The following LRRN2 variants were observed in gnomAD, a reference collection of about 807,000 sequenced individuals.
The protein encoded by LRRN2 is leucine-rich repeat neuronal protein 2.
Under a neutral mutation model 35.7 loss-of-function variants are expected in LRRN2, and 10 were observed. The observed-to-expected ratio is 0.28, with a 90% CI of 0.17 to 0.47. The LOEUF (loss-of-function observed/expected upper bound fraction) is 0.47, where lower values mean the gene tolerates loss of function less well. Ranked by LOEUF, LRRN2 falls within the 20% of genes least tolerant of loss-of-function variation. The pLI is 0.99. For missense variants in LRRN2, 731 were observed against 940.3 expected, an observed-to-expected ratio of 0.78 and a Z score of 2.91; for synonymous variants, 391 against 409.6, an observed-to-expected ratio of 0.95 and a Z score of 0.55.
rs533668403 is a variant in LRRN2 at position 204,642,498 on chromosome 1, G to A, written c.-226-22280C>T. ...CGCTCCCATCAGCCCTCACATTTGG[G>A]TTCATCCTGTGCCCAGGAGTAGCAG... On this transcript the variant is annotated intron_variant, in intron 1 of 1. Coordinates refer to ENST00000367177, the MANE Select transcript of LRRN2 (RefSeq NM_201630.2). Among the ~76,000 whole-genome samples the A allele has an allele frequency of 1.1e-3, 164 of 148,964 alleles. 1 individual carries two copies. Among genetic ancestry groups the A allele is most frequent in the African/African-American group, 3.8e-3 (157 of 41,010 alleles).
intron 1 of LRRN2, among the ~76,000 whole-genome samples, chr1:204,669,437 G>A (rs1214454974): frequency 6.6e-6 from 1 of 152,244 alleles, no homozygotes; most frequent in Admixed American, 6.5e-5. Context: ...CAACAGATAG[G>A]GTCTCTACCC....
chr1:204,621,828 G>A (rs1666914645), intron 1 of LRRN2: 5 of 167,142 alleles, frequency 3.0e-5, no homozygotes, highest in Admixed American at 2.6e-4. Context: ...CTGAGTGGAA[G>A]TCTGATTCCA....
chr1:204,670,226 G>A (rs113535058), intron 1 of LRRN2, among the ~76,000 whole-genome samples: 1 of 152,266 alleles, frequency 6.6e-6, no homozygotes, highest in African/African-American at 2.4e-5. Context: ...ACAGGGCCTG[G>A]TGATGGGCTG....
At chr1:204,624,727 C>T (rs995780871) in intron 1 of LRRN2, among the ~76,000 whole-genome samples, 4 of 150,402 alleles carry the variant, frequency 2.7e-5, no homozygotes, top group Non-Finnish European at 5.9e-5. Flanking sequence ...CTCTCCTCCT[C>T]CCTCCTCTCC....
intron 1 of LRRN2, among the ~76,000 whole-genome samples, chr1:204,660,552 G>GACACACAC (rs72072762): frequency 3.5e-5 from 5 of 143,198 alleles, no homozygotes; most frequent in African/African-American, 1.0e-4. Context: ...GCCTTACACA[G>GACACACAC]ACACACACAC....
At chr1:204,629,990 G>T (rs1158619416) in intron 1 of LRRN2, among the ~76,000 whole-genome samples, 1 of 152,088 alleles carries the variant, frequency 6.6e-6, no homozygotes, top group East Asian at 1.9e-4. Context: ...TATATATCAG[G>T]TATATGCTCA....
intron 1 of LRRN2, among the ~76,000 whole-genome samples, chr1:204,677,312 T>G (rs374114331): frequency 1.3e-4 from 20 of 152,188 alleles, no homozygotes; most frequent in African/African-American, 3.4e-4. Flanking sequence ...TCATGGGGGC[T>G]GGGGGCAGGG....
Position 204,617,761 on chromosome 1 carries a change from CT to C in LRRN2, c.*89del. The stretch of plus-strand genomic sequence containing the variant: ...GCCTCAAGCACGTGGGTCCATGTCC[CT>C]TTCCTGGCAGGGCATCTGGCCCAGA... On this transcript the variant is annotated 3_prime_UTR_variant, in exon 2 of 2. Coordinates refer to ENST00000367177, the MANE Select transcript of LRRN2 (RefSeq NM_201630.2). The C allele has an allele frequency of 6.9e-7, 1 of 1,452,726 alleles. No individual in the cohort carries two copies. The allele number at this position is 1,452,726 out of a possible 1,614,324, so 90.0% of individuals were successfully genotyped here.
At chr1:204,684,743 G>A (rs919282132) in intron 1 of LRRN2, among the ~76,000 whole-genome samples, 41 of 151,950 alleles carry the variant, frequency 2.7e-4, no homozygotes, top group African/African-American at 9.9e-4. Flanking sequence ...CCCAGGCTGC[G>A]GTCGGACCCC....
At chr1:204,671,395 T>A (rs571807829) in intron 1 of LRRN2, among the ~76,000 whole-genome samples, 2 of 141,434 alleles carry the variant, frequency 1.4e-5, no homozygotes, top group African/African-American at 5.6e-5. Flanking sequence ...AGCAATCTGT[T>A]TGTGTGTTTG....
chr1:204,667,339 ATTTC>A (rs1291185014), intron 1 of LRRN2, among the ~76,000 whole-genome samples: 3 of 152,170 alleles, frequency 2.0e-5, no homozygotes, highest in Non-Finnish European at 4.4e-5. Flanking sequence ...TTCCCTGTAA[ATTTC>A]TTTGCTTGTC....
rs200470325 is a variant in LRRN2, at chr1:204,619,530, G to A, written c.463C>T (p.Arg155Cys). Residue 155 changes from arginine to cysteine, a missense_variant, in exon 2 of 2, where the codon CGC (arginine) becomes TGC (cysteine). This residue lies in a region of LRRN2 where 246 missense variants were observed against 289.5 expected (regional missense o/e 0.85). Transcript: ENST00000367177. ...CCAGAAAAGGCCCTGGGGGCGATGC[G>A]GTAGAGCTGGTTGTGGTTGAGATAG... ...ELYLNHNQLY[R>C]IAPRAFSGLS... The A allele has an allele frequency of 5.7e-5, 92 of 1,614,140 alleles. No homozygotes were observed. The highest frequency in any genetic ancestry group is 1.0e-4 in the Admixed American group (6 of 60,014).
At chr1:204,627,714 G>A (rs973640339) in intron 1 of LRRN2, among the ~76,000 whole-genome samples, 2 of 152,238 alleles carry the variant, frequency 1.3e-5, no homozygotes, top group East Asian at 1.9e-4. Flanking sequence ...TCTCACTGCC[G>A]CTTGCTGCCA....
At position 204,618,772 on chromosome 1, in the gene LRRN2, C is replaced by T. The variant is rs200369086; in HGVS notation, c.1221G>A (p.Pro407=). ...TCTCCCGGAAGGGCACCTCACGGAC[C>T]GGGAGGCGCTGGAGGTCCGGAGGCT... ...CAEPPDLQRL[P]VREVPFREMT... The change falls in exon 2 of 2, where the codon CCG becomes CCA. Residue 407 remains proline (P), a synonymous_variant. Transcript: ENST00000367177. The T allele has an allele frequency of 1.4e-5, 23 of 1,613,312 alleles. No homozygotes were observed. Among genetic ancestry groups the T allele is most frequent in the East Asian group, 1.3e-4 (6 of 44,858 alleles).
chr1:204,619,862 CG>C lies in LRRN2; in HGVS notation c.130del (p.Arg44AlafsTer17). ...AGTGGTAGCCTCGCGGTAGGACGAG[CG>C]GGGCGTATACCAGGGCCGGATCTGG... ...ACQIRPWYTP[R>X]SSYREATTVD... On this transcript the variant is annotated frameshift_variant, in exon 2 of 2. Coordinates refer to ENST00000367177, the MANE Select transcript of LRRN2 (RefSeq NM_201630.2). LOFTEE classifies it high-confidence loss of function. 1 of 1,613,546 alleles carries C rather than the reference CG, an allele frequency of 6.2e-7. No homozygotes were observed. The highest frequency in any genetic ancestry group is 8.5e-7 in the Non-Finnish European group (1 of 1,179,786).
intron 1 of LRRN2, among the ~76,000 whole-genome samples, chr1:204,640,481 C>A (rs963499759): frequency 6.6e-6 from 1 of 152,182 alleles, no homozygotes; most frequent in Non-Finnish European, 1.5e-5. Context: ...TGGGACTTCT[C>A]CCCCTCCTGG....
intron 1 of LRRN2, among the ~76,000 whole-genome samples, chr1:204,672,004 G>A (rs1668725299): frequency 6.6e-6 from 1 of 152,200 alleles, no homozygotes; most frequent in South Asian, 2.1e-4. Flanking sequence ...ACATACAGTT[G>A]GAAAGGGAGA....
rs181098559 is a variant in LRRN2, at chr1:204,637,736, C to T, written c.-226-17518G>A. Among the ~76,000 whole-genome samples the T allele has an allele frequency of 9.1e-3, 1,359 of 148,966 alleles. 10 individuals are homozygous for T. Among genetic ancestry groups the T allele is most frequent in the Non-Finnish European group, 0.014 (919 of 67,614 alleles). On this transcript the variant is annotated intron_variant, in intron 1 of 1. Transcript: ENST00000367177. Reference sequence around the variant, plus strand: ...GAGGGTGGTAGAGAGGACTCCTCTGCGGGAAGGCCCCGACCCCCGGGCCTC... The same window carrying T: ...GAGGGTGGTAGAGAGGACTCCTCTGTGGGAAGGCCCCGACCCCCGGGCCTC...
chr1:204,685,068 C>T (rs943984375), intron 1 of LRRN2, among the ~76,000 whole-genome samples: 6 of 152,190 alleles, frequency 3.9e-5, no homozygotes, highest in Non-Finnish European at 5.9e-5. Context: ...GTCCCTCTGC[C>T]CCTCGGCCGC....
Sources: allele counts gnomAD v4.1 joint callset (sites outside exome capture counted in the v4.1 genomes callset), GRCh38; gene constraint gnomAD v4.1.1; regional missense constraint gnomAD v4.1.1; transcripts MANE v1.5; gene names NCBI Gene and HGNC (gene_info 2026-07-23, HGNC 2026-07-21).